Variants in ERBB4 observed in about 807,000 individuals in gnomAD.
The protein encoded by ERBB4 is receptor tyrosine-protein kinase erbB-4.
A neutral mutation model predicts 158.0 loss-of-function variants in ERBB4; 42 were observed. That is an observed-to-expected ratio of 0.27 (90% CI 0.21 to 0.34). The LOEUF (loss-of-function observed/expected upper bound fraction) is 0.34. Ranked by LOEUF, ERBB4 falls within the 10% of genes least tolerant of loss-of-function variation. The probability of loss-of-function intolerance (pLI) is 1.00; values close to 1 mark genes in which losing one functional copy is unlikely to be tolerated. For missense variants in ERBB4, 1,333 were observed against 1,624.1 expected, an observed-to-expected ratio of 0.82 and a Z score of 3.08; for synonymous variants, 583 against 558.7, an observed-to-expected ratio of 1.04 and a Z score of -0.61.
At chr2:211,675,397 A>C (rs2105945746) in intron 13 of ERBB4, among the ~76,000 whole-genome samples, 1 of 152,232 alleles carries the variant, frequency 6.6e-6, no homozygotes, top group East Asian at 1.9e-4. Context: ...TCATTTTTTA[A>C]AATATCCTCT....
chr2:211,831,025 A>T (rs552174491), intron 3 of ERBB4, among the ~76,000 whole-genome samples: 10 of 152,258 alleles, frequency 6.6e-5, no homozygotes, highest in African/African-American at 2.4e-4. Context: ...AAAAAAACCC[A>T]AGTCATAAAA....
At chr2:212,390,719 T>C (rs2090830137) in intron 1 of ERBB4, among the ~76,000 whole-genome samples, 1 of 151,806 alleles carries the variant, frequency 6.6e-6, no homozygotes, top group South Asian at 2.1e-4. Flanking sequence ...AGACATCATA[T>C]TTCCTTAATT....
intron 2 of ERBB4, among the ~76,000 whole-genome samples, chr2:212,040,509 A>G (rs2077115114): frequency 6.6e-6 from 1 of 152,158 alleles, no homozygotes; most frequent in African/African-American, 2.4e-5. Context: ...CTAACAAAAT[A>G]CTTCAGCACG....
At chr2:212,192,938 G>A (rs1042519093) in intron 1 of ERBB4, among the ~76,000 whole-genome samples, 4 of 152,080 alleles carry the variant, frequency 2.6e-5, no homozygotes, top group African/African-American at 4.8e-5. Flanking sequence ...TCCCTAAACC[G>A]TATTGATCCA....
intron 2 of ERBB4, among the ~76,000 whole-genome samples, chr2:211,959,831 C>T (rs1469459999): frequency 6.6e-6 from 1 of 152,064 alleles, no homozygotes; most frequent in South Asian, 2.1e-4. Flanking sequence ...AAAACATGAC[C>T]TGGCCCCTTA....
At chr2:211,798,227 T>C (rs2076425341) in intron 3 of ERBB4, among the ~76,000 whole-genome samples, 1 of 152,110 alleles carries the variant, frequency 6.6e-6, no homozygotes. Flanking sequence ...TGCCTCTTTA[T>C]TAAATTCATA....
At chr2:211,674,271 A>G (rs2071967787) in intron 13 of ERBB4, among the ~76,000 whole-genome samples, 1 of 152,134 alleles carries the variant, frequency 6.6e-6, no homozygotes, top group Non-Finnish European at 1.5e-5. Context: ...ATAGCATTAC[A>G]GAGATGGCAA....
intron 9 of ERBB4, among the ~76,000 whole-genome samples, chr2:211,706,325 T>C (rs2073437370): frequency 6.6e-6 from 1 of 152,194 alleles, no homozygotes; most frequent in Admixed American, 6.5e-5. Context: ...TCCTTTTTGG[T>C]ATGGCGAATA....
intron 1 of ERBB4, among the ~76,000 whole-genome samples, chr2:212,194,742 G>T (rs866710620): frequency 6.7e-6 from 1 of 149,072 alleles, no homozygotes; most frequent in African/African-American, 2.6e-5. Context: ...ATATATTTTT[G>T]CTGGCATATC....
At chr2:211,634,036 G>A (rs2070258348) in intron 16 of ERBB4, among the ~76,000 whole-genome samples, 1 of 152,174 alleles carries the variant, frequency 6.6e-6, no homozygotes, top group Non-Finnish European at 1.5e-5. Flanking sequence ...GCATGCACCT[G>A]TAAATCCAGC....
intron 23 of ERBB4, among the ~76,000 whole-genome samples, chr2:211,423,439 A>C (rs1366699926): frequency 6.6e-6 from 1 of 151,902 alleles, no homozygotes; most frequent in Non-Finnish European, 1.5e-5. Context: ...TACAAGAGAG[A>C]TTGCTGCATG....
At chr2:211,694,884 G>A (rs1233702893) in intron 12 of ERBB4, among the ~76,000 whole-genome samples, 1 of 151,984 alleles carries the variant, frequency 6.6e-6, no homozygotes, top group Non-Finnish European at 1.5e-5. Context: ...TGAAAGTATG[G>A]GAGCAGGAGA....
intron 19 of ERBB4, among the ~76,000 whole-genome samples, chr2:211,564,014 A>G (rs2067480432): frequency 6.6e-6 from 1 of 152,194 alleles, no homozygotes; most frequent in African/African-American, 2.4e-5. Context: ...TTAACATGGT[A>G]TGGCAGATTG....
At chr2:212,080,986 G>A (rs9973715) in intron 2 of ERBB4, among the ~76,000 whole-genome samples, 80,032 of 152,036 alleles carry the variant, frequency 0.53, 23,865 homozygotes, top group East Asian at 0.92. Flanking sequence ...TAGAGAGCAC[G>A]CTGTCAACCT....
At chr2:211,566,798 C>G (rs1438251580) in intron 19 of ERBB4, among the ~76,000 whole-genome samples, 1 of 151,862 alleles carries the variant, frequency 6.6e-6, no homozygotes. Flanking sequence ...TATTAGATAT[C>G]AGATTAAAGT....
intron 3 of ERBB4, among the ~76,000 whole-genome samples, chr2:211,894,086 A>T (rs1201114721): frequency 7.9e-6 from 1 of 126,668 alleles, no homozygotes. Flanking sequence ...ACTATAAATC[A>T]TGCTGCTATA....
Position 212,382,312 on chromosome 2 carries a change from C to A in ERBB4, c.82+156137G>T, listed in dbSNP as rs561074442. Among the ~76,000 whole-genome samples the A allele has an allele frequency of 2.0e-5, 3 of 150,320 alleles. No homozygotes were observed. In the Admixed American group the frequency reaches 2.0e-4, roughly 10 times the overall value. ...CATGTATACATATTCATATTATACA[C>A]ACATGTATATACACTATATAAAACA... On this transcript the variant is annotated intron_variant, in intron 1 of 27. Transcript: ENST00000342788.
chr2:211,460,624 T>C (rs569363141), intron 20 of ERBB4, among the ~76,000 whole-genome samples: 6 of 152,308 alleles, frequency 3.9e-5, no homozygotes, highest in African/African-American at 1.4e-4. Context: ...AATCACGAGC[T>C]TGTGTTTTGT....
At chr2:211,596,419 A>G (rs187770846) in intron 19 of ERBB4, among the ~76,000 whole-genome samples, 6 of 152,364 alleles carry the variant, frequency 3.9e-5, no homozygotes, top group Admixed American at 3.9e-4. Context: ...CATAGTAGTT[A>G]TAAATCCACT....
Sources: allele counts gnomAD v4.1 joint callset (sites outside exome capture counted in the v4.1 genomes callset), GRCh38; gene constraint gnomAD v4.1.1; transcripts MANE v1.5; gene names NCBI Gene and HGNC (gene_info 2026-07-23, HGNC 2026-07-21).